HECTD4: variants seen among roughly 807,000 people sequenced by gnomAD.
The protein encoded by HECTD4 is probable E3 ubiquitin-protein ligase HECTD4.
In HECTD4, 114 loss-of-function variants were observed where a neutral mutation model predicts 471.5. The ratio of observed to expected loss-of-function variants is 0.24; its 90% confidence interval spans 0.21 to 0.28. The LOEUF is 0.28. Ranked by LOEUF, HECTD4 falls within the 10% of genes least tolerant of loss-of-function variation. HECTD4 has a pLI of 1.00. For missense variants in HECTD4, 3,866 were observed against 5,651.5 expected (o/e 0.68, Z 10.13); for synonymous variants, 2,012 against 2,256.0 (o/e 0.89, Z 3.07).
rs375181760 is a variant in HECTD4 at position 112,283,261 on chromosome 12, A to G, written c.1377T>C (p.Arg459=). ...CGCCCTCTTTTCTCATTAGAATTGTACGTTCCTGAAGTGGGTTGGCTACAA... is the reference window on the plus strand; with the variant it reads ...CGCCCTCTTTTCTCATTAGAATTGTGCGTTCCTGAAGTGGGTTGGCTACAA... ...GVFVANPLQE[R]TILMRKEGES... The change falls in exon 8 of 76, where the codon CGT becomes CGC. Residue 459 remains arginine, a synonymous_variant. Coordinates refer to ENST00000682272, the MANE Select transcript of HECTD4 (RefSeq NM_001388303.1). 663 of 1,613,580 alleles carry G rather than the reference A, an allele frequency of 4.1e-4. No homozygotes were observed. The highest frequency in any genetic ancestry group is 5.5e-4 in the Non-Finnish European group (647 of 1,179,772).
At chr12:112,336,506 G>C (rs1481042975) in intron 1 of HECTD4, among the ~76,000 whole-genome samples, 1 of 150,076 alleles carries the variant, frequency 6.7e-6, no homozygotes, top group Non-Finnish European at 1.5e-5. Flanking sequence ...CTGGGCAACA[G>C]AGCAAGACTC....
chr12:112,379,708 A>G (rs570066409), intron 1 of HECTD4, among the ~76,000 whole-genome samples: 93 of 146,546 alleles, frequency 6.3e-4, no homozygotes, highest in African/African-American at 2.4e-3. Context: ...TAAAAAATAA[A>G]AAGATTTTTT....
Position 112,291,250 on chromosome 12 carries a change from T to C in HECTD4, c.1336-7948A>G, listed in dbSNP as rs534845829. On this transcript the variant is annotated intron_variant, in intron 7 of 75. Transcript: ENST00000682272. ...TTACTATCACTCTAGATACAAGTTA[T>C]CAAGATTTTGACATATTTGCTTCAT... Among the ~76,000 whole-genome samples the C allele has an allele frequency of 2.0e-5, 3 of 152,314 alleles. No individual in the cohort carries two copies. The South Asian group carries it at 6.2e-4, about 32-fold the overall frequency.
chr12:112,251,161 A>G, intron 23 of HECTD4, 27 bp from the exon 24 acceptor site: 2 of 1,609,362 alleles, frequency 1.2e-6, no homozygotes, highest in Non-Finnish European at 1.7e-6. Flanking sequence ...GGTAAACCAC[A>G]CTGGTCAGTG....
At chr12:112,270,868 C>T (rs1483804125) in intron 11 of HECTD4, among the ~76,000 whole-genome samples, 1 of 152,204 alleles carries the variant, frequency 6.6e-6, no homozygotes, top group Non-Finnish European at 1.5e-5. Flanking sequence ...ACAGCCCCTA[C>T]TGGTAACCAT....
chr12:112,337,048 C>T (rs866598502), intron 1 of HECTD4, among the ~76,000 whole-genome samples: 5 of 152,120 alleles, frequency 3.3e-5, no homozygotes, highest in African/African-American at 9.7e-5. Context: ...AAATCAGCAG[C>T]GTTTTAAAAC....
intron 11 of HECTD4, among the ~76,000 whole-genome samples, chr12:112,272,945 C>T (rs1190545868): frequency 6.6e-6 from 1 of 152,192 alleles, no homozygotes; most frequent in Non-Finnish European, 1.5e-5. Context: ...TTGAGGTGGT[C>T]AGCATAGTAA....
rs746555977 is a variant in HECTD4, at chr12:112,169,713, CCCCTT to C, written c.12053-60_12053-56del. ...CCCCGCCGTGGCCGCCCTCTCCCCT[CCCCTT>C]GAGGACAGACCCTGGGCCTAGCAGG... is the stretch of plus-strand genomic sequence containing the variant. On this transcript the variant is annotated intron_variant, in intron 69 of 75. Transcript: ENST00000682272. 8 of 1,601,466 alleles carry C rather than the reference CCCCTT, an allele frequency of 5.0e-6. No individual in the cohort carries two copies. The East Asian group carries it at 1.8e-4, about 36-fold the overall frequency.
intron 1 of HECTD4, among the ~76,000 whole-genome samples, chr12:112,373,968 C>T (rs777048443): frequency 1.3e-4 from 20 of 148,410 alleles, no homozygotes; most frequent in South Asian, 4.3e-4. Flanking sequence ...CGTGCTATTG[C>T]GCTCCAGCCT....
chr12:112,167,682 G>T, intron 71 of HECTD4, 132 bp downstream of exon 71: 1 of 1,037,022 alleles, frequency 9.6e-7, no homozygotes, highest in Non-Finnish European at 1.5e-6. Flanking sequence ...AGTGAGGCAA[G>T]GACCTGTCCC....
chr12:112,275,704 CTTGAG>C (rs1413954371), intron 9 of HECTD4, among the ~76,000 whole-genome samples: 1 of 152,010 alleles, frequency 6.6e-6, no homozygotes, highest in Non-Finnish European at 1.5e-5. Flanking sequence ...CACTGTGTCT[CTTGAG>C]TTTTCTTCTT....
intron 4 of HECTD4, among the ~76,000 whole-genome samples, chr12:112,312,225 G>GT (rs764198149): frequency 5.3e-5 from 8 of 152,236 alleles, no homozygotes; most frequent in South Asian, 2.1e-4. Flanking sequence ...TATTTCCTGG[G>GT]TTTTTTTAAA....
In HECTD4 at chr12:112,229,732, A is replaced by C; in HGVS notation, c.6485T>G (p.Phe2162Cys). The change falls in exon 41 of 76, where the codon TTC becomes TGC. Residue 2162 changes from phenylalanine to cysteine, a missense_variant. Phe to Cys is a radical substitution (Grantham distance 205). Around this residue, in one of 16 missense-constraint regions of HECTD4, gnomAD observed 617 missense variants for 915.1 expected, o/e 0.67. Transcript: ENST00000682272. Reference protein sequence around the residue: ...AVAALCALGGFKETIKIGSEV... With the variant: ...AVAALCALGGCKETIKIGSEV... ...GGATCCTATCTTGATTGTCTCTTTG[A>C]AGCCTCCAAGTGCACACAGTGCGGC... 1 of 1,613,860 alleles carries C rather than the reference A, an allele frequency of 6.2e-7. No homozygotes were observed. The highest frequency in any genetic ancestry group is 8.5e-7 in the Non-Finnish European group (1 of 1,179,800).
At chr12:112,360,710 G>T (rs1446702853) in intron 1 of HECTD4, among the ~76,000 whole-genome samples, 9 of 152,138 alleles carry the variant, frequency 5.9e-5, no homozygotes. Flanking sequence ...TTGGCCGGGG[G>T]CGGTGGCTCA....
chr12:112,267,081 G>A (rs996029903), intron 13 of HECTD4, 99 bp from the exon 14 acceptor site: 6 of 715,522 alleles, frequency 8.4e-6, no homozygotes, highest in Admixed American at 7.7e-5. Flanking sequence ...TCAATTGGAT[G>A]TGAGGGCAAT....
At chr12:112,288,897 A>G (rs1443425403) in intron 7 of HECTD4, among the ~76,000 whole-genome samples, 2 of 152,172 alleles carry the variant, frequency 1.3e-5, no homozygotes, top group African/African-American at 4.8e-5. Context: ...CAACCTATAC[A>G]TCATTGTTAC....
intron 1 of HECTD4, among the ~76,000 whole-genome samples, chr12:112,338,939 T>C (rs2036005750): frequency 6.6e-6 from 1 of 151,840 alleles, no homozygotes; most frequent in African/African-American, 2.4e-5. Context: ...CCCAAACACC[T>C]CCCATCAGGC....
At chr12:112,190,671 A>C in intron 60 of HECTD4, 115 bp downstream of exon 60, 1 of 858,364 alleles carries the variant, frequency 1.2e-6, no homozygotes. Flanking sequence ...AGGAGGCTGC[A>C]GCTGCCTGGG....
intron 59 of HECTD4, 37 bp downstream of exon 59, chr12:112,192,523 C>T (rs758719356): frequency 2.8e-6 from 4 of 1,426,356 alleles, no homozygotes; most frequent in Non-Finnish European, 3.8e-6. Context: ...AGAATGACTC[C>T]AGCTGTTCTC....
Sources: gnomAD v4.1 joint callset for allele counts (sites outside exome capture counted in the v4.1 genomes callset) on GRCh38, gnomAD v4.1.1 for gene constraint, gnomAD v4.1.1 regional missense constraint, MANE v1.5 for transcripts, NCBI Gene and HGNC (gene_info 2026-07-23, HGNC 2026-07-21) for gene names.